Variants in MTCH1 observed in about 807,000 individuals in gnomAD.
MTCH1 encodes mitochondrial carrier homolog 1.
MTCH1 carries 23 observed loss-of-function variants against 49.3 expected under a neutral mutation model. That is an observed-to-expected ratio of 0.47 (90% CI 0.34 to 0.66). The LOEUF (loss-of-function observed/expected upper bound fraction) is 0.66, where lower values mean the gene tolerates loss of function less well. Among genes scored for constraint, MTCH1 ranks in the 30% least tolerant of loss-of-function variants. MTCH1 has a pLI of 0.01. For missense variants in MTCH1, 397 were observed against 532.1 expected, an observed-to-expected ratio of 0.75 and a Z score of 2.50; for synonymous variants, 229 against 215.2, an observed-to-expected ratio of 1.06 and a Z score of -0.56.
Position 36,986,156 on chromosome 6 carries a change from C to T in MTCH1, c.18G>A (p.Pro6=), listed in dbSNP as rs1764310397. 3 of 1,436,382 alleles carry T rather than the reference C, an allele frequency of 2.1e-6. No homozygotes were observed. Among genetic ancestry groups the T allele is most frequent in the East Asian group, 3.1e-5 (1 of 32,258 alleles). The allele number at this position is 1,436,382 out of a possible 1,614,324, so 89.0% of individuals were successfully genotyped here. Residue 6 remains proline, a synonymous_variant, in exon 1 of 12, where the codon CCG becomes CCA. Transcript: ENST00000373627. MGASD[P]EVAPWARGGA... is the part of the protein sequence containing the mutation. Reference sequence around the variant, plus strand: ...CGCCGCGAGCCCAGGGCGCCACTTCCGGGTCCGAAGCTCCCATGGCGCCCG... The same window carrying T: ...CGCCGCGAGCCCAGGGCGCCACTTCTGGGTCCGAAGCTCCCATGGCGCCCG...
chr6:36,969,627 G>A, intron 11 of MTCH1: 1 of 1,188,786 alleles, frequency 8.4e-7, no homozygotes, highest in Non-Finnish European at 1.1e-6. Flanking sequence ...GGAGGGAGGA[G>A]TCGGTTTCCA....
chr6:36,978,406 G>A, intron 3 of MTCH1, 99 bp downstream of exon 3: 1 of 1,254,238 alleles, frequency 8.0e-7, no homozygotes, highest in Non-Finnish European at 1.1e-6. Context: ...CCAATGGTCT[G>A]GGAAGGAGGA....
chr6:36,970,761 G>GC, intron 8 of MTCH1, 67 bp from the exon 9 acceptor site: 10 of 1,513,398 alleles, frequency 6.6e-6, no homozygotes, highest in Non-Finnish European at 9.1e-6. Context: ...AGCAACACAT[G>GC]CCCTCACCCC....
intron 11 of MTCH1, chr6:36,969,358 T>C: frequency 4.6e-6 from 5 of 1,088,080 alleles, no homozygotes; most frequent in Non-Finnish European, 5.6e-6. Flanking sequence ...TCTGTCCTCT[T>C]CTCAGCCTCG....
intron 2 of MTCH1, among the ~76,000 whole-genome samples, 161 bp from the exon 3 acceptor site, chr6:36,978,772 A>G (rs1023264971): frequency 6.6e-6 from 1 of 151,902 alleles, no homozygotes; most frequent in Middle Eastern, 3.2e-3. Context: ...GTCAGGCCCT[A>G]ACCCCCAAAT....
Position 36,977,953 on chromosome 6 carries a change from C to T in MTCH1, c.591+125G>A, listed in dbSNP as rs758316032. 4.4e-5 allele frequency: 40 copies of T among 918,390 alleles called. No homozygotes were observed. Among genetic ancestry groups the T allele is most frequent in the South Asian group, 4.1e-4 (28 of 67,502 alleles). The allele number at this position is 918,390 out of a possible 1,614,324, so 56.9% of individuals were successfully genotyped here. A position where few individuals can be genotyped will look rare whatever the true frequency, so the allele number is the denominator to read the frequency against. The stretch of plus-strand genomic sequence containing the variant: ...ATCCAGGCCAGGGCTTCTTCCCTTA[C>T]CATCCCACCCATGCATACACAAGGA... On this transcript the variant is annotated intron_variant, in intron 4 of 11. Transcript: ENST00000373627. This position sits in a 1 kb window ranked among gnomAD's most constrained non-coding sequence, Gnocchi z 5.4.
intron 9 of MTCH1, 75 bp downstream of exon 9, chr6:36,970,572 T>A: frequency 6.2e-7 from 1 of 1,608,712 alleles, no homozygotes; most frequent in African/African-American, 1.3e-5. Flanking sequence ...CCTCCAGCCA[T>A]TACCAGGGTT....
In MTCH1 at chr6:36,985,743, C is replaced by T; in HGVS notation, c.321+110G>A. 2 of 1,045,548 alleles carry T rather than the reference C, an allele frequency of 1.9e-6. 1 individual carries two copies. Among genetic ancestry groups the T allele is most frequent in the South Asian group, 2.9e-5 (2 of 69,794 alleles). The allele number at this position is 1,045,548 out of a possible 1,614,324, so 64.8% of individuals were successfully genotyped here. On this transcript the variant is annotated intron_variant, in intron 1 of 11. Transcript: ENST00000373627. ...CGGCCCCCCAAACCCGCCGTCCCCA[C>T]CCCTCTCCCCAAATCCGTCGCCATT...
At chr6:36,973,340 A>C (rs1189972308) in intron 7 of MTCH1, among the ~76,000 whole-genome samples, 1 of 152,180 alleles carries the variant, frequency 6.6e-6, no homozygotes, top group East Asian at 1.9e-4. Flanking sequence ...TGAGGGCAAA[A>C]GGCCAGTTTG....
chr6:36,984,305 G>C (rs1764213661), intron 1 of MTCH1, among the ~76,000 whole-genome samples: 3 of 152,036 alleles, frequency 2.0e-5, no homozygotes, highest in Non-Finnish European at 4.4e-5. Flanking sequence ...ACAACCAAAT[G>C]CCAGTCTGGT....
At position 36,970,505 on chromosome 6, in the gene MTCH1, C is replaced by A. The variant is rs754995082; in HGVS notation, c.955-32G>T. ...CCCAGAGAGGCCTGAGTGCCAGTGACCCACCCCGGCCCAGGGAGCAGGGAC... is the reference window on the plus strand; with the variant it reads ...CCCAGAGAGGCCTGAGTGCCAGTGAACCACCCCGGCCCAGGGAGCAGGGAC... On this transcript the variant is annotated intron_variant, in intron 9 of 11. Transcript: ENST00000373627. 13 of 1,612,398 alleles carry A rather than the reference C, an allele frequency of 8.1e-6. 1 individual carries two copies. The highest frequency in any genetic ancestry group is 3.3e-5 in the Admixed American group (2 of 60,006).
intron 7 of MTCH1, among the ~76,000 whole-genome samples, chr6:36,973,204 C>G (rs1411710755): frequency 6.6e-6 from 1 of 152,140 alleles, no homozygotes; most frequent in East Asian, 1.9e-4. Flanking sequence ...TTCTCTTTGC[C>G]CCTGAAAATA....
chr6:36,985,881 G>A lies in MTCH1; in HGVS notation c.293C>T (p.Pro98Leu). Reference sequence around the variant, plus strand: ...GATGAGCAGCTTCACGTAGAGCAGGGGATGGCTGAGCGCCGTCACGCCCGC... The same window carrying A: ...GATGAGCAGCTTCACGTAGAGCAGGAGATGGCTGAGCGCCGTCACGCCCGC... ...LGAGVTALSH[P>L]LLYVKLLIQV... Residue 98 changes from proline to leucine, a missense_variant, in exon 1 of 12, where the codon CCC becomes CTC. Physicochemically the swap from Pro to Leu is moderately conservative, Grantham distance 98. This residue lies in a region of MTCH1 where 252 missense variants were observed against 388.3 expected (regional missense o/e 0.65). Transcript: ENST00000373627. 2.6e-6 allele frequency: 4 copies of A among 1,559,700 alleles called. No individual in the cohort carries two copies. The highest frequency in any genetic ancestry group is 3.5e-6 in the Non-Finnish European group (4 of 1,151,804).
chr6:36,979,809 C>T (rs932021447), intron 2 of MTCH1, among the ~76,000 whole-genome samples: 1 of 152,048 alleles, frequency 6.6e-6, no homozygotes, highest in African/African-American at 2.4e-5. Context: ...AGCAAAACAT[C>T]GACCCTCTTC....
At position 36,986,078 on chromosome 6, in the gene MTCH1, C is replaced by A; in HGVS notation, c.96G>T (p.Ala32=). 7.0e-7 allele frequency: 1 copy of A among 1,430,878 alleles called. No individual in the cohort carries two copies. The highest frequency in any genetic ancestry group is 9.1e-7 in the Non-Finnish European group (1 of 1,103,708). The allele number at this position is 1,430,878 out of a possible 1,614,324, so 88.6% of individuals were successfully genotyped here. A position where few individuals can be genotyped will look rare whatever the true frequency, so the allele number is the denominator to read the frequency against. ...GAGCTCGAGCCTCGACCCCCGCCGC[C>A]GCTCCGCCGCGAGCTCCGGCTCCAG... is the stretch of plus-strand genomic sequence containing the variant. ...AGAGAGARGG[A]AAGVEARARD... The change falls in exon 1 of 12, where the codon GCG becomes GCT. Residue 32 remains alanine (A), a synonymous_variant. Transcript: ENST00000373627.
Position 36,972,887 on chromosome 6 carries a change from A to G in MTCH1, c.762-91T>C, listed in dbSNP as rs1389758404. 5 of 1,342,544 alleles carry G rather than the reference A, an allele frequency of 3.7e-6. No homozygotes were observed. The allele number at this position is 1,342,544 out of a possible 1,614,324, so 83.2% of individuals were successfully genotyped here. ...CCAGGAAGCAGGCAGGGATGTTCCG[A>G]GCTCAAAATCTTAGCATATCCAATG... On this transcript the variant is annotated intron_variant, in intron 7 of 11. Transcript: ENST00000373627. This position sits in a 1 kb window ranked among gnomAD's most constrained non-coding sequence, Gnocchi z 4.1.
chr6:36,977,549 A>G lies in MTCH1; in HGVS notation c.649+85T>C. 1.1e-6 allele frequency: 1 copy of G among 921,786 alleles called. No homozygotes were observed. The highest frequency in any genetic ancestry group is 1.7e-6 in the Non-Finnish European group (1 of 584,112). 57.1% of individuals were successfully genotyped at this position (921,786 alleles called of 1,614,324 possible). A position where few individuals can be genotyped will look rare whatever the true frequency, so the allele number is the denominator to read the frequency against. On this transcript the variant is annotated intron_variant, in intron 5 of 11. Coordinates refer to ENST00000373627, the MANE Select transcript of MTCH1 (RefSeq NM_001271641.2). The surrounding 1 kb of genome is among the most constrained non-coding windows in gnomAD (Gnocchi z 5.4). ...CTTCCCAACAGGTCTACGGCTGTCT[A>G]TGTACAGTCCACGAGGGGGCGCCCC...
intron 2 of MTCH1, among the ~76,000 whole-genome samples, chr6:36,980,477 A>T (rs1764045843): frequency 6.6e-6 from 1 of 152,184 alleles, no homozygotes; most frequent in South Asian, 2.1e-4. Flanking sequence ...TCCCCTCTCC[A>T]CTACGCTGAC....
chr6:36,976,191 C>G (rs1246263922), intron 6 of MTCH1, among the ~76,000 whole-genome samples: 2 of 152,266 alleles, frequency 1.3e-5, no homozygotes, highest in East Asian at 3.9e-4. Context: ...CAGGGCCCTG[C>G]AGGAGGAGGC....
Sources: gnomAD v4.1 joint callset for allele counts (sites outside exome capture counted in the v4.1 genomes callset) on GRCh38, gnomAD v4.1.1 for gene constraint, gnomAD v4.1.1 regional missense constraint, Gnocchi (gnomAD v3.1) non-coding constraint, MANE v1.5 for transcripts, NCBI Gene and HGNC (gene_info 2026-07-23, HGNC 2026-07-21) for gene names.